The following PTPRK variants were observed in gnomAD, a reference collection of about 807,000 sequenced individuals.
The protein encoded by PTPRK is protein tyrosine phosphatase receptor type K.
A neutral mutation model predicts 178.0 loss-of-function variants in PTPRK; 75 were observed. The observed-to-expected ratio is 0.42, with a 90% CI of 0.35 to 0.51. PTPRK has a LOEUF of 0.51. Among genes scored for constraint, PTPRK ranks in the 20% least tolerant of loss-of-function variants. The probability of loss-of-function intolerance (pLI) is 0.02; values close to 1 mark genes in which losing one functional copy is unlikely to be tolerated. For missense variants in PTPRK, 1,441 were observed against 1,797.8 expected (o/e 0.80, Z 3.59); for synonymous variants, 637 against 620.6 (o/e 1.03, Z -0.39).
chr6:128,044,286 T>C (rs190974992), intron 13 of PTPRK, among the ~76,000 whole-genome samples: 2 of 152,198 alleles, frequency 1.3e-5, no homozygotes, highest in East Asian at 1.9e-4. Flanking sequence ...CAACAAGTAC[T>C]ATATATCTGT....
At chr6:128,042,338 T>G (rs1305636359) in intron 13 of PTPRK, among the ~76,000 whole-genome samples, 1 of 152,044 alleles carries the variant, frequency 6.6e-6, no homozygotes, top group African/African-American at 2.4e-5. Flanking sequence ...AAATTTATAT[T>G]TTATATATTT....
chr6:128,498,430 A>G (rs1018265998), intron 1 of PTPRK, among the ~76,000 whole-genome samples: 3 of 152,230 alleles, frequency 2.0e-5, no homozygotes, highest in African/African-American at 4.8e-5. Flanking sequence ...AGTTCAATAA[A>G]CAGCACTTGG....
rs563899988 is a variant in PTPRK, at chr6:128,397,581, G to T, written c.208C>A (p.Pro70Thr). Residue 70 changes from proline to threonine, a missense_variant, in exon 2 of 30, where the codon CCC (proline) becomes ACC (threonine). Pro to Thr is a conservative substitution (Grantham distance 38). Around this residue, in one of 4 missense-constraint regions of PTPRK, gnomAD observed 158 missense variants for 188.0 expected, o/e 0.84. Coordinates refer to ENST00000368226, the MANE Select transcript of PTPRK (RefSeq NM_002844.4). Reference protein sequence around the residue: ...VSAQEPHYLPPEMPQGSYMIV... With the variant: ...VSAQEPHYLPTEMPQGSYMIV... ...TGACTCTCACCTTGGGGCATCTCGG[G>T]TGGTAGATAATGAGGCTCTTGAGCA... 1 of 1,613,806 alleles carries T rather than the reference G, an allele frequency of 6.2e-7. No individual in the cohort carries two copies. The highest frequency in any genetic ancestry group is 1.1e-5 in the South Asian group (1 of 91,052).
chr6:128,454,922 A>G (rs1848216128), intron 1 of PTPRK, among the ~76,000 whole-genome samples: 1 of 152,150 alleles, frequency 6.6e-6, no homozygotes, highest in Admixed American at 6.6e-5. Context: ...CTTTTACTCC[A>G]AATTGACTAA....
At chr6:128,493,609 C>T (rs1472052689) in intron 1 of PTPRK, among the ~76,000 whole-genome samples, 1 of 91,586 alleles carries the variant, frequency 1.1e-5, no homozygotes, top group African/African-American at 4.3e-5. Context: ...CACACACACA[C>T]ACACACACAC....
intron 7 of PTPRK, among the ~76,000 whole-genome samples, chr6:128,108,114 AC>A (rs1790037325): frequency 2.7e-5 from 4 of 149,938 alleles, no homozygotes; most frequent in African/African-American, 9.8e-5. Flanking sequence ...ACACACACAC[AC>A]ACAAATTTCA....
At chr6:128,351,119 C>T (rs1406745324) in intron 2 of PTPRK, among the ~76,000 whole-genome samples, 10 of 152,124 alleles carry the variant, frequency 6.6e-5, no homozygotes, top group Admixed American at 1.3e-4. Flanking sequence ...ATAACTTCTA[C>T]CATCTTCTAC....
At chr6:128,023,839 T>C (rs576933821) in intron 13 of PTPRK, among the ~76,000 whole-genome samples, 13 of 129,670 alleles carry the variant, frequency 1.0e-4, no homozygotes, top group South Asian at 8.5e-4. Flanking sequence ...TTCTTTCTTT[T>C]TTTTTTTTTT....
chr6:128,052,207 GAGTA>G (rs373671105), intron 13 of PTPRK, among the ~76,000 whole-genome samples: 96 of 152,272 alleles, frequency 6.3e-4, no homozygotes, highest in African/African-American at 2.3e-3. Flanking sequence ...TAAGCATGAA[GAGTA>G]AGTGACTGCC....
Position 128,520,265 on chromosome 6 carries a change from A to G in PTPRK, c.94T>C (p.Ser32Pro), listed in dbSNP as rs745426658. The change falls in exon 1 of 30, where the codon TCC (serine) becomes CCC (proline). Residue 32 changes from serine to proline, a missense_variant. Physicochemically the swap from Ser to Pro is moderately conservative, Grantham distance 74. Transcript: ENST00000368226. ...ACGCCCCCCGGCCACTCACCTGCGG[A>G]GAACTGGCCTTGGGCCGATCCCAGG... is the stretch of plus-strand genomic sequence containing the variant. ...PLLGSAQGQF[S>P]AGGCTFDDGP... 21 of 1,596,680 alleles carry G rather than the reference A, an allele frequency of 1.3e-5. No individual in the cohort carries two copies. The African/African-American group carries it at 2.4e-4, about 18-fold the overall frequency.
At chr6:128,192,603 C>A (rs532546550) in intron 6 of PTPRK, among the ~76,000 whole-genome samples, 90 of 152,012 alleles carry the variant, frequency 5.9e-4, no homozygotes, top group African/African-American at 2.1e-3. Context: ...GCAAATCGCT[C>A]GAGCCCAGGA....
At chr6:128,104,680 T>C (rs1789388682) in intron 7 of PTPRK, among the ~76,000 whole-genome samples, 1 of 152,216 alleles carries the variant, frequency 6.6e-6, no homozygotes, top group Non-Finnish European at 1.5e-5. Flanking sequence ...TTTTACTGAT[T>C]GAAGGTTACT....
rs375536695 is a variant in PTPRK at position 128,091,890 on chromosome 6, C to T, written c.1163-1898G>A. ...CTATTTTGAAAGCATACCTAGACAT[C>T]TTACACACTGTAAAGAAGACAGAGT... On this transcript the variant is annotated intron_variant, in intron 7 of 29. Coordinates refer to ENST00000368226, the MANE Select transcript of PTPRK (RefSeq NM_002844.4). Among the ~76,000 whole-genome samples the T allele has an allele frequency of 1.3e-4, 20 of 152,262 alleles. No individual in the cohort carries two copies. The East Asian group carries it at 2.7e-3, about 21-fold the overall frequency.
chr6:128,435,121 G>T, intron 1 of PTPRK, among the ~76,000 whole-genome samples: 1 of 117,352 alleles, frequency 8.5e-6, no homozygotes, highest in South Asian at 2.4e-4. Context: ...AGGAAGGCAG[G>T]CAGGAAGGCA....
chr6:128,079,039 T>G (rs1784344134), intron 10 of PTPRK, 121 bp from the exon 11 acceptor site: 1 of 559,502 alleles, frequency 1.8e-6, no homozygotes, highest in South Asian at 3.2e-5. Flanking sequence ...CTACAACGTA[T>G]TTTGTTTTAT....
At chr6:128,050,255 C>T (rs1778780810) in intron 13 of PTPRK, among the ~76,000 whole-genome samples, 1 of 152,236 alleles carries the variant, frequency 6.6e-6, no homozygotes, top group Admixed American at 6.5e-5. Flanking sequence ...GATCCTGTCT[C>T]ATTGTACAAG....
chr6:128,433,269 C>T (rs948976666), intron 1 of PTPRK, among the ~76,000 whole-genome samples: 2 of 152,234 alleles, frequency 1.3e-5, no homozygotes, highest in African/African-American at 4.8e-5. Context: ...CCGCTTTCCA[C>T]CCCGCAACCC....
intron 1 of PTPRK, among the ~76,000 whole-genome samples, chr6:128,399,951 A>T (rs1447094144): frequency 6.6e-6 from 1 of 152,206 alleles, no homozygotes; most frequent in Non-Finnish European, 1.5e-5. Flanking sequence ...AATAATTTTT[A>T]ATTTCTAATT....
In PTPRK at chr6:127,977,010, C is replaced by T. The variant is rs1341079410; in HGVS notation, c.3756G>A (p.Leu1252=). The change falls in exon 26 of 30, where the codon CTG becomes CTA. Residue 1252 remains leucine, a synonymous_variant. Transcript: ENST00000368226. ...PAAFIVTQYP[L]PNTVKDFWRL... ...TCCAGAAGTCTTTTACAGTGTTTGGCAGAGGGTATTGTGTGACGATGAAAG... is the reference window on the plus strand; with the variant it reads ...TCCAGAAGTCTTTTACAGTGTTTGGTAGAGGGTATTGTGTGACGATGAAAG... 2 of 1,614,020 alleles carry T rather than the reference C, an allele frequency of 1.2e-6. No individual in the cohort carries two copies. The highest frequency in any genetic ancestry group is 1.7e-5 in the Admixed American group (1 of 60,016).
Sources: gnomAD v4.1 joint callset for allele counts (sites outside exome capture counted in the v4.1 genomes callset) on GRCh38, gnomAD v4.1.1 for gene constraint, gnomAD v4.1.1 regional missense constraint, MANE v1.5 for transcripts, NCBI Gene and HGNC (gene_info 2026-07-23, HGNC 2026-07-21) for gene names.